The following KAT6B variants were observed in gnomAD, a reference collection of about 807,000 sequenced individuals.
KAT6B encodes the protein histone acetyltransferase KAT6B.
Under a neutral mutation model 187.5 loss-of-function variants are expected in KAT6B, and 10 were observed. That is an observed-to-expected ratio of 0.05 (90% CI 0.03 to 0.09). The LOEUF (loss-of-function observed/expected upper bound fraction) is 0.09. Ranked by LOEUF, KAT6B falls within the 10% of genes least tolerant of loss-of-function variation. KAT6B has a pLI of 1.00. For synonymous variants in KAT6B, 861 were observed against 926.8 expected (o/e 0.93, Z 1.29); for missense variants, 1,952 against 2,558.9 (o/e 0.76, Z 5.12).
chr10:74,929,099 G>C (rs1288812379), intron 3 of KAT6B, among the ~76,000 whole-genome samples: 1 of 152,160 alleles, frequency 6.6e-6, no homozygotes, highest in East Asian at 1.9e-4. Flanking sequence ...GTAGTGGTTT[G>C]GGCCTCATTG....
intron 15 of KAT6B, 96 bp downstream of exon 15, chr10:75,021,381 T>C: frequency 8.4e-7 from 1 of 1,196,514 alleles, no homozygotes; most frequent in East Asian, 2.4e-5. Context: ...AAAGCTTGGT[T>C]ATGTAGAGAT....
intron 3 of KAT6B, among the ~76,000 whole-genome samples, chr10:74,882,398 A>G (rs530098105): frequency 6.6e-6 from 1 of 152,328 alleles, no homozygotes; most frequent in South Asian, 2.1e-4. Flanking sequence ...TCCTGTGCCT[A>G]TCAGTTCTCA....
At chr10:74,937,688 G>A (rs1488037383) in intron 3 of KAT6B, among the ~76,000 whole-genome samples, 1 of 152,198 alleles carries the variant, frequency 6.6e-6, no homozygotes, top group Non-Finnish European at 1.5e-5. Flanking sequence ...TTTCTCATGT[G>A]TAAATGGAGA....
At chr10:74,972,007 G>C (rs1477206718) in intron 6 of KAT6B, among the ~76,000 whole-genome samples, 1 of 152,012 alleles carries the variant, frequency 6.6e-6, no homozygotes, top group Non-Finnish European at 1.5e-5. Flanking sequence ...CTCTATGCTA[G>C]ATGTATAGTT....
chr10:75,027,297 T>C (rs1845938410), intron 17 of KAT6B, among the ~76,000 whole-genome samples: 1 of 152,206 alleles, frequency 6.6e-6, no homozygotes, highest in South Asian at 2.1e-4. Context: ...GCTGGTCGGT[T>C]TGAATGTAAT....
intron 3 of KAT6B, among the ~76,000 whole-genome samples, chr10:74,874,897 C>G (rs750752171): frequency 2.6e-5 from 4 of 151,750 alleles, no homozygotes; most frequent in Non-Finnish European, 5.9e-5. Context: ...AGATTTACAG[C>G]AAAATTGAGT....
intron 3 of KAT6B, among the ~76,000 whole-genome samples, chr10:74,913,322 A>G (rs1160465722): frequency 2.0e-5 from 3 of 152,244 alleles, no homozygotes; most frequent in Non-Finnish European, 4.4e-5. Context: ...TTTCCCCTGT[A>G]TGTAATACAT....
chr10:74,843,538 C>T lies in KAT6B; in HGVS notation c.621+60C>T, dbSNP rs1355354966. 5.6e-6 allele frequency: 9 copies of T among 1,596,766 alleles called. No homozygotes were observed. In the Admixed American group the frequency reaches 1.3e-4, roughly 24 times the overall value. On this transcript the variant is annotated intron_variant, in intron 3 of 17. Coordinates refer to ENST00000287239, the MANE Select transcript of KAT6B (RefSeq NM_012330.4). ...ACTGTCCTTTTGTCTTTTACGGTTT[C>T]ACTTAAGTTTTATGTGGACAAAAGT...
intron 3 of KAT6B, among the ~76,000 whole-genome samples, chr10:74,938,169 A>C (rs1849398622): frequency 6.6e-6 from 1 of 152,168 alleles, no homozygotes. Flanking sequence ...TACCATTCAA[A>C]AATGTGGACC....
At chr10:74,940,498 A>C (rs897434356) in intron 3 of KAT6B, among the ~76,000 whole-genome samples, 1 of 146,136 alleles carries the variant, frequency 6.8e-6, no homozygotes, top group Non-Finnish European at 1.5e-5. Context: ...CTGGTCTTGA[A>C]CTCTTGACCT....
intron 3 of KAT6B, among the ~76,000 whole-genome samples, chr10:74,885,547 T>C (rs1231242771): frequency 6.6e-6 from 1 of 152,118 alleles, no homozygotes; most frequent in Non-Finnish European, 1.5e-5. Flanking sequence ...AGATATGAAC[T>C]TTGGGAAGGC....
chr10:74,933,200 G>A (rs12253410), intron 3 of KAT6B, among the ~76,000 whole-genome samples: 3,738 of 152,246 alleles, frequency 0.025, 157 homozygotes, highest in African/African-American at 0.085. Flanking sequence ...GGTTAGTATA[G>A]CCATGTAGGA....
chr10:74,867,391 C>T (rs1216036635), intron 3 of KAT6B, among the ~76,000 whole-genome samples: 1 of 152,104 alleles, frequency 6.6e-6, no homozygotes, highest in Non-Finnish European at 1.5e-5. Flanking sequence ...GCCTCTTGAA[C>T]AATGAAAGGA....
chr10:74,975,851 C>G lies in KAT6B; in HGVS notation c.1514C>G (p.Pro505Arg). The G allele has an allele frequency of 6.2e-7, 1 of 1,614,136 alleles. No individual in the cohort carries two copies. Among genetic ancestry groups the G allele is most frequent in the Non-Finnish European group, 8.5e-7 (1 of 1,180,028 alleles). Reference sequence around the variant, plus strand: ...CCAACCCCCATCTCCGGTCAGAGCCCCAGTTCACAAAAGTCCAGCACGGCC... The same window carrying G: ...CCAACCCCCATCTCCGGTCAGAGCCGCAGTTCACAAAAGTCCAGCACGGCC... Reference protein sequence around the residue: ...PPPTPISGQSPSSQKSSTATS... With the variant: ...PPPTPISGQSRSSQKSSTATS... The change falls in exon 8 of 18, where the codon CCC becomes CGC. Residue 505 changes from proline (P) to arginine (R), a missense_variant. Physicochemically the swap from Pro to Arg is moderately radical, Grantham distance 103. Around this residue, in one of 9 missense-constraint regions of KAT6B, gnomAD observed 417 missense variants for 508.9 expected, o/e 0.82. Transcript: ENST00000287239.
At chr10:74,876,612 C>G (rs1354751140) in intron 3 of KAT6B, among the ~76,000 whole-genome samples, 1 of 151,988 alleles carries the variant, frequency 6.6e-6, no homozygotes, top group East Asian at 1.9e-4. Context: ...CAGTCTAATG[C>G]TTGATAAAAG....
At chr10:74,937,239 A>G (rs751306971) in intron 3 of KAT6B, among the ~76,000 whole-genome samples, 3 of 152,190 alleles carry the variant, frequency 2.0e-5, no homozygotes, top group Non-Finnish European at 4.4e-5. Context: ...TTCGGAGCCA[A>G]ATATGCTGGA....
chr10:74,902,103 C>G (rs1280466712), intron 3 of KAT6B, among the ~76,000 whole-genome samples: 1 of 152,286 alleles, frequency 6.6e-6, no homozygotes, highest in East Asian at 1.9e-4. Flanking sequence ...CTCCTTTCTT[C>G]TGTTGGCTCC....
chr10:75,006,487 A>G (rs921817919), intron 13 of KAT6B, among the ~76,000 whole-genome samples: 7 of 152,254 alleles, frequency 4.6e-5, no homozygotes, highest in African/African-American at 1.4e-4. Context: ...GTCTTGCTCT[A>G]TCACCCAGGC....
chr10:74,963,108 T>TGA (rs1451357653), intron 4 of KAT6B, among the ~76,000 whole-genome samples: 1 of 152,168 alleles, frequency 6.6e-6, no homozygotes, highest in Non-Finnish European at 1.5e-5. Context: ...CTGTAAAACA[T>TGA]GAGACAAATG....
Sources: allele counts gnomAD v4.1 joint callset (sites outside exome capture counted in the v4.1 genomes callset), GRCh38; gene constraint gnomAD v4.1.1; regional missense constraint gnomAD v4.1.1; transcripts MANE v1.5; gene names NCBI Gene and HGNC (gene_info 2026-07-23, HGNC 2026-07-21).